The following HS1BP3 variants were observed in gnomAD, a reference collection of about 807,000 sequenced individuals.
HS1BP3 encodes HCLS1 binding protein 3.
Under a neutral mutation model 33.5 loss-of-function variants are expected in HS1BP3, and 32 were observed. That is an observed-to-expected ratio of 0.95 (90% CI 0.72 to 1.28). The LOEUF (loss-of-function observed/expected upper bound fraction) is 1.28, where lower values mean the gene tolerates loss of function less well. Among genes scored for constraint, HS1BP3 ranks in the 50% most tolerant of loss-of-function variants. The pLI is 0.00. For synonymous variants in HS1BP3, 187 were observed against 209.2 expected, an observed-to-expected ratio of 0.89 and a Z score of 0.92; for missense variants, 486 against 502.3, an observed-to-expected ratio of 0.97 and a Z score of 0.31.
chr2:20,613,264 G>A (rs1195802520), downstream of HS1BP3, among the ~76,000 whole-genome samples: 7 of 152,242 alleles, frequency 4.6e-5, no homozygotes, highest in African/African-American at 1.7e-4. Flanking sequence ...AGCAAAGGAA[G>A]AAAACCAGCT....
intron 5 of HS1BP3, among the ~76,000 whole-genome samples, chr2:20,573,298 T>C (rs1370136825): frequency 1.3e-5 from 2 of 152,126 alleles, no homozygotes; most frequent in African/African-American, 4.8e-5. Flanking sequence ...TGCTGACACC[T>C]TGGTTTTGAA....
At chr2:20,568,414 G>A (rs1693187181) in intron 5 of HS1BP3, among the ~76,000 whole-genome samples, 1 of 152,318 alleles carries the variant, frequency 6.6e-6, no homozygotes, top group East Asian at 1.9e-4. Flanking sequence ...AGCCGGGCGG[G>A]TAATGGAGGA....
chr2:20,646,458 C>A (rs1307659437), intron 1 of HS1BP3, among the ~76,000 whole-genome samples: 8 of 152,248 alleles, frequency 5.3e-5, no homozygotes, highest in Non-Finnish European at 7.3e-5. Flanking sequence ...CCACACGGAC[C>A]CCTCACATCC....
chr2:20,635,440 A>G (rs1270860750), intron 4 of HS1BP3: 3 of 152,224 alleles, frequency 2.0e-5, no homozygotes, highest in Non-Finnish European at 4.4e-5. Flanking sequence ...TGGCAGTAAG[A>G]TGTGAATATT....
chr2:20,596,401 C>A (rs1693944185), intron 3 of HS1BP3, among the ~76,000 whole-genome samples: 1 of 152,174 alleles, frequency 6.6e-6, no homozygotes, highest in Non-Finnish European at 1.5e-5. Flanking sequence ...GGGATTAGGT[C>A]ATGAGGGTAA....
intron 5 of HS1BP3, among the ~76,000 whole-genome samples, chr2:20,580,663 C>T (rs1180015248): frequency 3.9e-5 from 6 of 152,142 alleles, no homozygotes; most frequent in Non-Finnish European, 5.9e-5. Flanking sequence ...TTGTCAACCT[C>T]GCTAGTTATC....
At chr2:20,564,595 T>C (rs897775753) in intron 5 of HS1BP3, among the ~76,000 whole-genome samples, 10 of 152,216 alleles carry the variant, frequency 6.6e-5, no homozygotes, top group African/African-American at 2.4e-4. Context: ...GTGATTCTCA[T>C]GCCTTAGCCA....
At chr2:20,583,439 G>C (rs567622824) in intron 5 of HS1BP3, among the ~76,000 whole-genome samples, 1 of 152,068 alleles carries the variant, frequency 6.6e-6, no homozygotes, top group South Asian at 2.1e-4. Flanking sequence ...GGGCGCAGTT[G>C]GTTCTCACTA....
intron 3 of HS1BP3, among the ~76,000 whole-genome samples, chr2:20,595,117 G>A (rs752421506): frequency 3.9e-5 from 6 of 152,110 alleles, no homozygotes; most frequent in East Asian, 1.9e-4. Flanking sequence ...TGAGAGCCTC[G>A]GCAGCCTTGG....
At chr2:20,643,031 T>C (rs1269067690) in intron 2 of HS1BP3, among the ~76,000 whole-genome samples, 1 of 152,246 alleles carries the variant, frequency 6.6e-6, no homozygotes, top group Non-Finnish European at 1.5e-5. Flanking sequence ...TTTAAGTAGA[T>C]ACAAAATGCT....
At chr2:20,604,924 C>T (rs1453706076) in intron 2 of HS1BP3, among the ~76,000 whole-genome samples, 1 of 152,212 alleles carries the variant, frequency 6.6e-6, no homozygotes, top group Non-Finnish European at 1.5e-5. Context: ...ACCAGATTCT[C>T]TGCAGCCCAG....
intron 5 of HS1BP3, among the ~76,000 whole-genome samples, chr2:20,572,232 T>A (rs1693292387): frequency 6.6e-6 from 1 of 152,206 alleles, no homozygotes; most frequent in African/African-American, 2.4e-5. Context: ...CTGCTCAGGC[T>A]CTTTCCAGGC....
chr2:20,649,244 C>G (rs947629702), intron 1 of HS1BP3, among the ~76,000 whole-genome samples: 2 of 152,228 alleles, frequency 1.3e-5, no homozygotes, highest in African/African-American at 4.8e-5. Context: ...TAACACTCTC[C>G]CTGGGCTCAC....
At chr2:20,613,739 T>C (rs1298010843), downstream of HS1BP3, among the ~76,000 whole-genome samples, 1 of 152,132 alleles carries the variant, frequency 6.6e-6, no homozygotes, top group Non-Finnish European at 1.5e-5. Context: ...TCCTGACACG[T>C]CCCCTCACAT....
chr2:20,590,097 G>A (rs140579595), downstream of HS1BP3, among the ~76,000 whole-genome samples: 9 of 152,274 alleles, frequency 5.9e-5, no homozygotes, highest in East Asian at 5.8e-4. Flanking sequence ...CAGGCTGCCC[G>A]TGCTGGAGTC....
chr2:20,589,718 G>A (rs1360744050), downstream of HS1BP3, among the ~76,000 whole-genome samples: 1 of 152,200 alleles, frequency 6.6e-6, no homozygotes, highest in African/African-American at 2.4e-5. Flanking sequence ...CTAAGGCAGT[G>A]AGGCATGGAC....
intron 1 of HS1BP3, among the ~76,000 whole-genome samples, chr2:20,648,590 G>T (rs1382041346): frequency 6.6e-6 from 1 of 152,118 alleles, no homozygotes; most frequent in Non-Finnish European, 1.5e-5. Context: ...GCTTTGGATG[G>T]TTCCCCTTGA....
At position 20,611,655 on chromosome 2, in the gene HS1BP3, A is replaced by G. The variant is rs1312962833; in HGVS notation, c.178+12241T>C. 6.6e-6 allele frequency among the ~76,000 whole-genome samples: 1 copy of G among 152,140 alleles called. No individual in the cohort carries two copies. The highest frequency in any genetic ancestry group is 1.5e-5 in the Non-Finnish European group (1 of 68,012). ...TCTACCCTCCCTTTGGTAGACCTCC[A>G]TGACCCACCTGGATCCAGTCCCCAG... On this transcript the variant is annotated intron_variant, in intron 2 of 3. Transcript: ENST00000415264. The surrounding 1 kb of genome is among the most constrained non-coding windows in gnomAD (Gnocchi z 4.9).
intron 5 of HS1BP3, among the ~76,000 whole-genome samples, chr2:20,562,820 G>A (rs1286783422): frequency 2.0e-5 from 3 of 152,200 alleles, no homozygotes; most frequent in East Asian, 1.9e-4. Flanking sequence ...ACTCGCACAC[G>A]TCTGGTGTTG....
Sources: gnomAD v4.1 joint callset for allele counts (sites outside exome capture counted in the v4.1 genomes callset) on GRCh38, gnomAD v4.1.1 for gene constraint, Gnocchi (gnomAD v3.1) non-coding constraint, MANE v1.5 for transcripts, NCBI Gene and HGNC (gene_info 2026-07-23, HGNC 2026-07-21) for gene names.